Variants in FRMD4A observed in about 807,000 individuals in gnomAD.
The protein encoded by FRMD4A is FERM domain-containing protein 4A.
In FRMD4A, 29 loss-of-function variants were observed where a neutral mutation model predicts 129.1. That is an observed-to-expected ratio of 0.22 (90% CI 0.17 to 0.31). The LOEUF is 0.31. FRMD4A is among the 10% of genes least tolerant of loss of function. The pLI is 1.00. For synonymous variants in FRMD4A, 634 were observed against 571.6 expected, an observed-to-expected ratio of 1.11 and a Z score of -1.56; for missense variants, 1,272 against 1,375.8, an observed-to-expected ratio of 0.92 and a Z score of 1.19.
chr10:13,840,847 G>A (rs1370618123), intron 3 of FRMD4A, among the ~76,000 whole-genome samples: 1 of 145,428 alleles, frequency 6.9e-6, no homozygotes, highest in Non-Finnish European at 1.5e-5. Context: ...AATGGCTCAT[G>A]CCTATAATCC....
intron 8 of FRMD4A, among the ~76,000 whole-genome samples, chr10:13,755,292 T>C (rs369997672): frequency 2.6e-5 from 4 of 152,206 alleles, no homozygotes; most frequent in African/African-American, 9.7e-5. Flanking sequence ...ACCTGGAATT[T>C]TCGGATACCA....
chr10:14,189,530 C>A (rs1564374863), intron 2 of FRMD4A, among the ~76,000 whole-genome samples: 1 of 152,020 alleles, frequency 6.6e-6, no homozygotes, highest in Non-Finnish European at 1.5e-5. Flanking sequence ...GCTGAGATTG[C>A]ACCATTGCAC....
intron 9 of FRMD4A, among the ~76,000 whole-genome samples, chr10:13,741,856 GTGTTTT>G (rs937194927): frequency 3.3e-5 from 5 of 152,070 alleles, no homozygotes; most frequent in Non-Finnish European, 7.4e-5. Context: ...GAAATCTTAG[GTGTTTT>G]TGTTTTTGTT....
intron 5 of FRMD4A, among the ~76,000 whole-genome samples, chr10:13,794,219 C>T (rs1212100150): frequency 6.6e-6 from 1 of 152,008 alleles, no homozygotes; most frequent in East Asian, 1.9e-4. Flanking sequence ...TGGTGAAACA[C>T]GGTCTCTACT....
intron 4 of FRMD4A, among the ~76,000 whole-genome samples, chr10:13,801,992 CAAT>C (rs2093265030): frequency 2.4e-5 from 1 of 41,452 alleles, no homozygotes; most frequent in African/African-American, 7.8e-5. Flanking sequence ...TTGCCTTTGC[CAAT>C]AATAATGCAA....
chr10:14,325,286 C>G (rs796282840), intron 2 of FRMD4A, among the ~76,000 whole-genome samples: 16 of 152,288 alleles, frequency 1.1e-4, no homozygotes, highest in African/African-American at 3.6e-4. Context: ...TCTCACAGGT[C>G]AAATGTAGAG....
At chr10:14,223,838 C>T (rs1490769070) in intron 2 of FRMD4A, among the ~76,000 whole-genome samples, 2 of 151,886 alleles carry the variant, frequency 1.3e-5, no homozygotes, top group African/African-American at 4.8e-5. Context: ...TCTAGCAACC[C>T]CACATCTCCC....
intron 2 of FRMD4A, among the ~76,000 whole-genome samples, chr10:14,318,376 T>G (rs1172169947): frequency 6.1e-5 from 9 of 147,670 alleles, no homozygotes; most frequent in African/African-American, 1.7e-4. Flanking sequence ...ACAAAACAAG[T>G]TATTAGTCCC....
rs1009393787 is a variant in FRMD4A at position 14,015,016 on chromosome 10, C to A, written c.46-156104G>T. On this transcript the variant is annotated intron_variant, in intron 2 of 24. Transcript: ENST00000357447. ...TCTTATCTCCTTCCTTCCTCCCTCC[C>A]TCCCTTCCTTCCTTCCTCCCTCCCT... 1.7e-3 allele frequency among the ~76,000 whole-genome samples: 231 copies of A among 137,342 alleles called. 3 individuals are homozygous for A. The highest frequency in any genetic ancestry group is 6.3e-3 in the African/African-American group (229 of 36,272). 90.1% of individuals were successfully genotyped at this position (137,342 alleles called of 152,430 possible).
chr10:13,793,373 T>C (rs2093045611), intron 5 of FRMD4A, among the ~76,000 whole-genome samples: 1 of 152,170 alleles, frequency 6.6e-6, no homozygotes, highest in Non-Finnish European at 1.5e-5. Context: ...GGTTTCACCA[T>C]GTTGGCCGGG....
At chr10:14,001,012 C>T (rs536730875) in intron 2 of FRMD4A, among the ~76,000 whole-genome samples, 1 of 152,232 alleles carries the variant, frequency 6.6e-6, no homozygotes, top group South Asian at 2.1e-4. Context: ...ACCCAAAAAC[C>T]CAACCCAACC....
intron 2 of FRMD4A, among the ~76,000 whole-genome samples, chr10:13,912,524 T>G: frequency 2.3e-3 from 2 of 860 alleles, no homozygotes; most frequent in Non-Finnish European, 0.021. Flanking sequence ...AATAGAATTT[T>G]TTTTTTTTTT....
intron 3 of FRMD4A, among the ~76,000 whole-genome samples, chr10:13,838,338 C>T (rs2093909291): frequency 6.6e-6 from 1 of 151,658 alleles, no homozygotes; most frequent in African/African-American, 2.4e-5. Flanking sequence ...AAATGATCCT[C>T]CTGCCTTGCC....
intron 3 of FRMD4A, among the ~76,000 whole-genome samples, chr10:13,850,603 A>T (rs2094127625): frequency 6.6e-6 from 1 of 152,206 alleles, no homozygotes; most frequent in African/African-American, 2.4e-5. Context: ...TCCATTGCAG[A>T]CCTGAGATAA....
chr10:14,111,807 T>G (rs1455660909), intron 2 of FRMD4A, among the ~76,000 whole-genome samples: 1 of 151,512 alleles, frequency 6.6e-6, no homozygotes, highest in Non-Finnish European at 1.5e-5. Flanking sequence ...GACAAACTAA[T>G]GACAAAAAAT....
At chr10:14,171,025 T>TG (rs1841449810) in intron 2 of FRMD4A, among the ~76,000 whole-genome samples, 2 of 13,910 alleles carry the variant, frequency 1.4e-4, no homozygotes, top group South Asian at 6.1e-3. Flanking sequence ...TTTTTTTTTT[T>TG]GTTTATTTGT....
chr10:13,986,796 G>A (rs975005614), intron 2 of FRMD4A, among the ~76,000 whole-genome samples: 3 of 151,844 alleles, frequency 2.0e-5, no homozygotes, highest in African/African-American at 7.3e-5. Context: ...GCATCTCAGG[G>A]TTTCTAGGGT....
At chr10:14,181,172 T>A (rs1284146473) in intron 2 of FRMD4A, among the ~76,000 whole-genome samples, 1 of 152,244 alleles carries the variant, frequency 6.6e-6, no homozygotes, top group African/African-American at 2.4e-5. Flanking sequence ...TTCATTATCA[T>A]AAACACTTCA....
At chr10:14,244,224 A>T (rs946003248) in intron 2 of FRMD4A, among the ~76,000 whole-genome samples, 7 of 152,226 alleles carry the variant, frequency 4.6e-5, no homozygotes, top group Non-Finnish European at 1.0e-4. Flanking sequence ...AACACCTCAG[A>T]TGCTACCCTG....
Sources: gnomAD v4.1 joint callset for allele counts (sites outside exome capture counted in the v4.1 genomes callset) on GRCh38, gnomAD v4.1.1 for gene constraint, MANE v1.5 for transcripts, NCBI Gene and HGNC (gene_info 2026-07-23, HGNC 2026-07-21) for gene names.